Variants in SLC18B1 observed in about 807,000 individuals in gnomAD.
SLC18B1 encodes the protein solute carrier family 18 member B1, also known as MFS-type transporter SLC18B1.
Under a neutral mutation model 53.9 loss-of-function variants are expected in SLC18B1, and 62 were observed. The observed-to-expected ratio is 1.15, with a 90% confidence interval of 0.94 to 1.42. SLC18B1 has a LOEUF of 1.42. Among genes scored for constraint, SLC18B1 ranks in the 40% most tolerant of loss-of-function variants. SLC18B1 has a pLI of 0.00. For synonymous variants in SLC18B1, 217 were observed against 200.9 expected, an observed-to-expected ratio of 1.08 and a Z score of -0.68; for missense variants, 598 against 547.3, an observed-to-expected ratio of 1.09 and a Z score of -0.93.
intron 5 of SLC18B1, among the ~76,000 whole-genome samples, chr6:132,787,094 T>C (rs1230966954): frequency 1.3e-5 from 2 of 152,170 alleles, no homozygotes; most frequent in Non-Finnish European, 2.9e-5. Context: ...AGAGGAATGC[T>C]TCAGGCAGCT....
intron 6 of SLC18B1, among the ~76,000 whole-genome samples, 183 bp downstream of exon 6, chr6:132,783,750 T>G (rs1781297405): frequency 6.6e-6 from 1 of 152,192 alleles, no homozygotes; most frequent in African/African-American, 2.4e-5. Context: ...CTCTAAAGGT[T>G]GGAAAGAATT....
At chr6:132,796,881 A>G (rs1435852739) in intron 2 of SLC18B1, 101 bp downstream of exon 2, 1 of 1,313,204 alleles carries the variant, frequency 7.6e-7, no homozygotes, top group East Asian at 2.6e-5. Context: ...CTATATGCAG[A>G]TTTTTACATT....
intron 5 of SLC18B1, 45 bp downstream of exon 5, chr6:132,787,389 G>T: frequency 6.7e-7 from 1 of 1,485,778 alleles, no homozygotes; most frequent in Non-Finnish European, 8.9e-7. Flanking sequence ...CAAATATTTT[G>T]GCCTACACTC....
At chr6:132,792,291 GGA>G in intron 2 of SLC18B1, among the ~76,000 whole-genome samples, 1 of 67,020 alleles carries the variant, frequency 1.5e-5, no homozygotes, top group South Asian at 5.2e-4. Flanking sequence ...AAGGAAGAAA[GGA>G]AGGAAGGAAG....
rs1781408793 is a variant in SLC18B1, at chr6:132,787,553, C to T, written c.382G>A (p.Val128Ile). 6.2e-7 allele frequency: 1 copy of T among 1,604,000 alleles called. No homozygotes were observed. The highest frequency in any genetic ancestry group is 1.7e-5 in the Admixed American group (1 of 57,802). The change falls in exon 5 of 14, where the codon GTA (valine) becomes ATA (isoleucine). Residue 128 changes from valine (V) to isoleucine (I), a missense_variant. Physicochemically the swap from Val to Ile is conservative, Grantham distance 29. Coordinates refer to ENST00000275227, the MANE Select transcript of SLC18B1 (RefSeq NM_052831.3). Reference sequence around the variant, plus strand: ...ACTAGAAAACACATAGCAATAAATACTGGCCCATCTGGAACTCGGTCCAAT... The same window carrying T: ...ACTAGAAAACACATAGCAATAAATATTGGCCCATCTGGAACTCGGTCCAAT... ...GVLDRVPDGP[V>I]FIAMCFLVRV...
rs397945812 is a variant in SLC18B1, at chr6:132,787,624, C to CCT, written c.354-44_354-43insAG. On this transcript the variant is annotated intron_variant, in intron 4 of 13. Coordinates refer to ENST00000275227, the MANE Select transcript of SLC18B1 (RefSeq NM_052831.3). The stretch of plus-strand genomic sequence containing the variant: ...AATTCTGAAATGCCAAGCTGGTTTT[C>CCT]TTTTTTTTTTTTTCCTTTTTAACTG... 51 of 1,212,842 alleles carry CCT rather than the reference C, an allele frequency of 4.2e-5. No individual in the cohort carries two copies. The African/African-American group carries it at 7.4e-4, about 18-fold the overall frequency. The allele number at this position is 1,212,842 out of a possible 1,614,324, so 75.1% of individuals were successfully genotyped here. A position where few individuals can be genotyped will look rare whatever the true frequency, so the allele number is the denominator to read the frequency against.
At chr6:132,771,217 T>A in intron 11 of SLC18B1, 88 bp from the exon 12 acceptor site, 1 of 1,171,510 alleles carries the variant, frequency 8.5e-7, no homozygotes, top group East Asian at 2.3e-5. Flanking sequence ...CAATTGTAAG[T>A]CTTCATTACA....
intron 1 of SLC18B1, among the ~76,000 whole-genome samples, chr6:132,798,142 T>C (rs1018371896): frequency 3.3e-5 from 5 of 152,246 alleles, no homozygotes; most frequent in African/African-American, 1.2e-4. Context: ...ATTTGCCTAA[T>C]GGCATACTTA....
chr6:132,794,656 A>G (rs2114689329), intron 2 of SLC18B1, among the ~76,000 whole-genome samples: 1 of 152,186 alleles, frequency 6.6e-6, no homozygotes, highest in African/African-American at 2.4e-5. Flanking sequence ...GACTATACCT[A>G]GAACACCTCC....
intron 10 of SLC18B1, among the ~76,000 whole-genome samples, chr6:132,772,441 C>T (rs183532060): frequency 1.1e-4 from 16 of 152,162 alleles, no homozygotes; most frequent in African/African-American, 3.6e-4. Flanking sequence ...TATTAAGAAG[C>T]ATGGCTCATT....
At chr6:132,773,136 C>G in intron 9 of SLC18B1, 48 bp from the exon 10 acceptor site, 2 of 1,365,734 alleles carry the variant, frequency 1.5e-6, no homozygotes, top group Non-Finnish European at 2.1e-6. Context: ...AAAACATTAG[C>G]GTTTTAACAA....
In SLC18B1 at chr6:132,776,316, A is replaced by C. The variant is rs1781098161; in HGVS notation, c.897+12T>G. ...TACAAAAGTGACTCAAATATAAATT[A>C]AGTGTACGTACTGGCCTTTTATCAC... On this transcript the variant is annotated intron_variant, in intron 8 of 13. Coordinates refer to ENST00000275227, the MANE Select transcript of SLC18B1 (RefSeq NM_052831.3). The C allele has an allele frequency of 6.3e-7, 1 of 1,591,600 alleles. No homozygotes were observed. Among genetic ancestry groups the C allele is most frequent in the South Asian group, 1.1e-5 (1 of 89,558 alleles).
chr6:132,779,970 G>A (rs1018608513), intron 6 of SLC18B1, among the ~76,000 whole-genome samples: 10 of 152,228 alleles, frequency 6.6e-5, no homozygotes, highest in African/African-American at 1.7e-4. Flanking sequence ...AACAGTATGG[G>A]GGAAATCACT....
At chr6:132,774,406 T>C in intron 8 of SLC18B1, 93 bp from the exon 9 acceptor site, 1 of 979,420 alleles carries the variant, frequency 1.0e-6, no homozygotes, top group South Asian at 1.8e-5. Flanking sequence ...ACACAAATCA[T>C]GATATTCAAA....
At chr6:132,780,907 T>A (rs575082951) in intron 6 of SLC18B1, among the ~76,000 whole-genome samples, 219 of 152,218 alleles carry the variant, frequency 1.4e-3, no homozygotes, top group African/African-American at 5.2e-3. Context: ...GTGAAATAAA[T>A]CTGAGCACAT....
intron 2 of SLC18B1, among the ~76,000 whole-genome samples, chr6:132,791,659 A>G (rs1781527150): frequency 6.6e-6 from 1 of 152,168 alleles, no homozygotes; most frequent in Non-Finnish European, 1.5e-5. Flanking sequence ...GGGTGAGGGC[A>G]GAGAGGATGG....
At chr6:132,780,823 G>A (rs558884347) in intron 6 of SLC18B1, among the ~76,000 whole-genome samples, 1 of 152,208 alleles carries the variant, frequency 6.6e-6, no homozygotes, top group East Asian at 1.9e-4. Context: ...GCCTCCCAAA[G>A]TGCTGAGATT....
chr6:132,772,890 G>T, intron 10 of SLC18B1, 103 bp downstream of exon 10: 1 of 748,080 alleles, frequency 1.3e-6, no homozygotes. Context: ...TTAACATTGG[G>T]GCAAAAATAT....
rs577549176 is a variant in SLC18B1 at position 132,770,130 on chromosome 6, A to G, written c.*140T>C. The G allele has an allele frequency of 1.5e-6, 1 of 670,896 alleles. No homozygotes were observed. The highest frequency in any genetic ancestry group is 1.8e-5 in the South Asian group (1 of 55,094). The allele number at this position is 670,896 out of a possible 1,614,324, so 41.6% of individuals were successfully genotyped here. On this transcript the variant is annotated 3_prime_UTR_variant, in exon 14 of 14. Coordinates refer to ENST00000275227, the MANE Select transcript of SLC18B1 (RefSeq NM_052831.3). ...GTACAGCCCAATACAGGATCATCCA[A>G]AAACACGTTGACACTTCCAAGACAC...
Sources: gnomAD v4.1 joint callset for allele counts (sites outside exome capture counted in the v4.1 genomes callset) on GRCh38, gnomAD v4.1.1 for gene constraint, MANE v1.5 for transcripts, NCBI Gene and HGNC (gene_info 2026-07-23, HGNC 2026-07-21) for gene names.